ADK: variants seen among roughly 807,000 people sequenced by gnomAD.
ADK encodes adenosine kinase, also known as N6,N6-dimethyladenosine kinase.
ADK carries 24 observed loss-of-function variants against 44.7 expected under a neutral mutation model. The ratio of observed to expected loss-of-function variants is 0.54; its 90% CI spans 0.39 to 0.76. ADK has a LOEUF of 0.76. Ranked by LOEUF, ADK falls within the 30% of genes least tolerant of loss-of-function variation. The pLI, the probability that ADK is intolerant of heterozygous loss-of-function variation, is 0.00. For synonymous variants in ADK, 128 were observed against 142.6 expected, an observed-to-expected ratio of 0.90 and a Z score of 0.73; for missense variants, 321 against 425.1, an observed-to-expected ratio of 0.76 and a Z score of 2.15.
chr10:74,689,949 C>T (rs528473948), intron 10 of ADK, among the ~76,000 whole-genome samples: 24 of 152,318 alleles, frequency 1.6e-4, no homozygotes, highest in African/African-American at 4.8e-4. Flanking sequence ...GCTGGACCCT[C>T]TCCCAGGGCT....
intron 3 of ADK, among the ~76,000 whole-genome samples, chr10:74,258,002 A>T (rs1845891325): frequency 6.6e-6 from 1 of 152,224 alleles, no homozygotes; most frequent in South Asian, 2.1e-4. Flanking sequence ...AACTGCAGAC[A>T]CTACTTCTGT....
At chr10:74,175,348 C>T (rs1244977033) in intron 1 of ADK, among the ~76,000 whole-genome samples, 1 of 147,416 alleles carries the variant, frequency 6.8e-6, no homozygotes, top group Non-Finnish European at 1.5e-5. Flanking sequence ...GCACTCCAAC[C>T]TGGGCGACAG....
intron 3 of ADK, among the ~76,000 whole-genome samples, chr10:74,295,477 T>A (rs536942880): frequency 1.7e-4 from 26 of 150,850 alleles, no homozygotes; most frequent in South Asian, 6.3e-4. Flanking sequence ...AAAAAAAAAA[T>A]TTTTTTAAAT....
intron 6 of ADK, among the ~76,000 whole-genome samples, chr10:74,513,399 T>A (rs930608857): frequency 6.6e-6 from 1 of 152,180 alleles, no homozygotes; most frequent in Non-Finnish European, 1.5e-5. Context: ...ATATTTGCTT[T>A]ACATATCTGG....
intron 3 of ADK, among the ~76,000 whole-genome samples, chr10:74,260,739 C>G (rs956150125): frequency 1.3e-5 from 2 of 151,970 alleles, no homozygotes; most frequent in Non-Finnish European, 2.9e-5. Context: ...AACTGTGTTC[C>G]CTGCTTACTG....
intron 3 of ADK, among the ~76,000 whole-genome samples, chr10:74,305,305 C>T (rs911352530): frequency 6.6e-5 from 10 of 152,128 alleles, no homozygotes; most frequent in Non-Finnish European, 1.2e-4. Context: ...AAGCCAGGTC[C>T]GTCTGACAGA....
intron 6 of ADK, among the ~76,000 whole-genome samples, chr10:74,507,832 C>T (rs1446495569): frequency 1.3e-5 from 2 of 151,964 alleles, no homozygotes; most frequent in East Asian, 3.9e-4. Flanking sequence ...AAAATAATTA[C>T]CCTCATTTAT....
At chr10:74,682,539 C>T (rs1855644091) in intron 10 of ADK, among the ~76,000 whole-genome samples, 1 of 151,462 alleles carries the variant, frequency 6.6e-6, no homozygotes, top group Non-Finnish European at 1.5e-5. Context: ...CACCATCTGA[C>T]ACCAATTAAG....
intron 6 of ADK, among the ~76,000 whole-genome samples, chr10:74,430,388 T>C (rs1304564776): frequency 6.6e-6 from 1 of 152,190 alleles, no homozygotes; most frequent in Non-Finnish European, 1.5e-5. Context: ...TTGAAAGACA[T>C]CTTGGTTGTT....
chr10:74,483,014 A>T (rs4281434), intron 6 of ADK, among the ~76,000 whole-genome samples: 1 of 152,056 alleles, frequency 6.6e-6, no homozygotes, highest in East Asian at 1.9e-4. Context: ...TCTTCTCACC[A>T]TTCCAATAGG....
intron 6 of ADK, among the ~76,000 whole-genome samples, chr10:74,441,113 C>G (rs1371897736): frequency 2.0e-5 from 3 of 152,170 alleles, no homozygotes; most frequent in Non-Finnish European, 4.4e-5. Flanking sequence ...TTTATGAACT[C>G]AGGACCTTAC....
intron 6 of ADK, among the ~76,000 whole-genome samples, chr10:74,414,243 G>A (rs1222348083): frequency 1.3e-5 from 2 of 152,130 alleles, no homozygotes; most frequent in Non-Finnish European, 2.9e-5. Context: ...TCTGTGAAGT[G>A]CAATAAAATA....
intron 7 of ADK, among the ~76,000 whole-genome samples, chr10:74,537,396 A>G (rs1228458072): frequency 6.6e-6 from 1 of 152,184 alleles, no homozygotes; most frequent in Non-Finnish European, 1.5e-5. Flanking sequence ...GACATCTTCA[A>G]AGTTTGAAAT....
intron 3 of ADK, among the ~76,000 whole-genome samples, chr10:74,295,430 C>G (rs182019096): frequency 1.1e-4 from 16 of 151,094 alleles, no homozygotes; most frequent in African/African-American, 3.9e-4. Flanking sequence ...TTATTGCACT[C>G]CAGACTGGGC....
At chr10:74,274,025 AT>A (rs879506113) in intron 3 of ADK, among the ~76,000 whole-genome samples, 33 of 148,996 alleles carry the variant, frequency 2.2e-4, no homozygotes, top group East Asian at 3.9e-4. Flanking sequence ...AGGCTTAAAC[AT>A]TTTTTTTTTG....
chr10:74,288,357 A>G (rs148162342), intron 3 of ADK, among the ~76,000 whole-genome samples: 1 of 152,292 alleles, frequency 6.6e-6, no homozygotes, highest in Non-Finnish European at 1.5e-5. Context: ...TGTTAAAGAA[A>G]AGTGAACATA....
chr10:74,510,490 A>AT (rs556314522), intron 6 of ADK, among the ~76,000 whole-genome samples: 104 of 151,720 alleles, frequency 6.9e-4, no homozygotes, highest in African/African-American at 2.4e-3. Context: ...GTTTGCAAAT[A>AT]TTTTTTCCCA....
At chr10:74,604,508 ATTCTTT>A (rs2133975932) in intron 9 of ADK, among the ~76,000 whole-genome samples, 1 of 152,238 alleles carries the variant, frequency 6.6e-6, no homozygotes, top group South Asian at 2.1e-4. Flanking sequence ...TTAAATAGGG[ATTCTTT>A]TCCCCCATTG....
chr10:74,219,367 A>C (rs1049131235), intron 2 of ADK, among the ~76,000 whole-genome samples: 2 of 152,166 alleles, frequency 1.3e-5, no homozygotes, highest in African/African-American at 4.8e-5. Context: ...AGATTCATAA[A>C]GCAAGTCCTG....
Sources: allele counts gnomAD v4.1 joint callset (sites outside exome capture counted in the v4.1 genomes callset), GRCh38; gene constraint gnomAD v4.1.1; transcripts MANE v1.5; gene names NCBI Gene and HGNC (gene_info 2026-07-23, HGNC 2026-07-21).